The following THADA variants were observed in gnomAD, a reference collection of about 807,000 sequenced individuals.
The protein encoded by THADA is THADA armadillo repeat containing, also known as tRNA (32-2'-O)-methyltransferase regulator THADA.
THADA carries 213 observed loss-of-function variants against 219.8 expected under a neutral mutation model. That is an observed-to-expected ratio of 0.97 (90% CI 0.87 to 1.09). The LOEUF (loss-of-function observed/expected upper bound fraction) is 1.09, where lower values mean the gene tolerates loss of function less well. THADA is among the 50% of genes least tolerant of loss of function. The pLI is 0.00. For synonymous variants in THADA, 1,018 were observed against 828.9 expected (o/e 1.23, Z -3.92); for missense variants, 2,956 against 2,311.3 (o/e 1.28, Z -5.72).
intron 36 of THADA, among the ~76,000 whole-genome samples, chr2:43,252,309 C>A (rs540069131): frequency 2.0e-5 from 3 of 152,232 alleles, no homozygotes; most frequent in African/African-American, 7.2e-5. Context: ...ACTGTTTCAA[C>A]TCAAGATCTC....
At chr2:43,498,756 C>G (rs1435451806) in intron 25 of THADA, 77 bp downstream of exon 25, 3 of 1,392,632 alleles carry the variant, frequency 2.2e-6, no homozygotes, top group Admixed American at 5.3e-5. Flanking sequence ...TTTTTATCAC[C>G]CAGTGAAAGA....
chr2:43,551,589 A>AT (rs34513683), intron 19 of THADA, among the ~76,000 whole-genome samples, 200 bp downstream of exon 19: 8,365 of 135,094 alleles, frequency 0.062, 601 homozygotes, highest in African/African-American at 0.16. Context: ...TGGTTTGGGA[A>AT]TTTTTTTTTT....
intron 15 of THADA, chr2:43,562,757 C>A (rs1698220718): frequency 1.3e-5 from 2 of 152,180 alleles, no homozygotes; most frequent in African/African-American, 4.8e-5. Context: ...GATTCAATCT[C>A]TTATAGGTCT....
intron 26 of THADA, among the ~76,000 whole-genome samples, chr2:43,458,519 A>G (rs1025046717): frequency 3.3e-5 from 5 of 152,166 alleles, no homozygotes; most frequent in African/African-American, 9.7e-5. Context: ...GAGATAAGAG[A>G]TCTGCAAGTA....
chr2:43,501,134 T>C (rs1321565251), intron 24 of THADA, among the ~76,000 whole-genome samples: 5 of 151,208 alleles, frequency 3.3e-5, no homozygotes, highest in African/African-American at 1.2e-4. Flanking sequence ...GGTGAAATCC[T>C]GTCTCTACTA....
chr2:43,372,348 C>T (rs1213400333), intron 29 of THADA: 1 of 152,172 alleles, frequency 6.6e-6, no homozygotes, highest in African/African-American at 2.4e-5. Context: ...TAATAATAAA[C>T]ATCACGGAGG....
intron 30 of THADA, among the ~76,000 whole-genome samples, chr2:43,322,674 C>CTTTTT (rs34557514): frequency 0.011 from 594 of 54,858 alleles, 111 homozygotes; most frequent in East Asian, 0.014. Context: ...ACATTCTATT[C>CTTTTT]TTTTTTTTTT....
chr2:43,250,034 A>G (rs1669654414), intron 36 of THADA, among the ~76,000 whole-genome samples: 1 of 152,194 alleles, frequency 6.6e-6, no homozygotes, highest in African/African-American at 2.4e-5. Context: ...CATGTGACCC[A>G]CAATTCCACT....
chr2:43,552,211 A>T lies in THADA; in HGVS notation c.2803T>A (p.Ser935Thr). Residue 935 changes from serine to threonine, a missense_variant, in exon 18 of 38, where the codon TCT (serine) becomes ACT (threonine). Ser to Thr is a moderately conservative substitution (Grantham distance 58). Coordinates refer to ENST00000405975, the MANE Select transcript of THADA (RefSeq NM_022065.5). ...HCITGALQKL[S>T]LNSLQLVSEW... ...AGCTGTGGAAATCCTTACTTTAGAG[A>T]TAACTTCTGCAAAGCTCCTGTTATA... 6.2e-7 allele frequency: 1 copy of T among 1,607,432 alleles called. No individual in the cohort carries two copies. The highest frequency in any genetic ancestry group is 8.5e-7 in the Non-Finnish European group (1 of 1,177,912).
chr2:43,309,334 C>G (rs1573008886), intron 31 of THADA, among the ~76,000 whole-genome samples: 1 of 152,106 alleles, frequency 6.6e-6, no homozygotes, highest in East Asian at 1.9e-4. Flanking sequence ...AACCCCTTTC[C>G]TAGGTTTTTA....
At chr2:43,509,670 G>A (rs1438015643) in intron 22 of THADA, among the ~76,000 whole-genome samples, 1 of 152,024 alleles carries the variant, frequency 6.6e-6, no homozygotes, top group Non-Finnish European at 1.5e-5. Context: ...CTAGTTTGGT[G>A]TAAAACAGAT....
At position 43,409,944 on chromosome 2, in the gene THADA, G is replaced by A. The variant is rs111956941; in HGVS notation, c.4059-11805C>T. Among the ~76,000 whole-genome samples, 837 of 152,004 alleles carry A rather than the reference G, an allele frequency of 5.5e-3. 5 individuals are homozygous for A. Among genetic ancestry groups the A allele is most frequent in the Admixed American group, 8.2e-3 (125 of 15,246 alleles). ...AGGTAGGAGGATTGCTTGAGCCTAG[G>A]AGGTTGAGGCTACAGTGAGCTGTGA... On this transcript the variant is annotated intron_variant, in intron 28 of 37. Transcript: ENST00000405975.
intron 17 of THADA, among the ~76,000 whole-genome samples, chr2:43,555,729 C>T (rs10165527): frequency 0.39 from 59,467 of 151,854 alleles, 13,327 homozygotes; most frequent in African/African-American, 0.62. Flanking sequence ...TTCTACCATC[C>T]TGGAAATAAT....
intron 35 of THADA, among the ~76,000 whole-genome samples, chr2:43,284,228 G>C (rs1673713760): frequency 6.6e-6 from 1 of 152,178 alleles, no homozygotes; most frequent in East Asian, 1.9e-4. Context: ...TGGGGAAAAT[G>C]TCTCCAGGGC....
Position 43,232,880 on chromosome 2 carries a change from ACT to A in THADA, c.5297_5298del (p.Glu1766ValfsTer21), listed in dbSNP as rs758288763. The A allele has an allele frequency of 2.2e-5, 36 of 1,608,084 alleles. No individual in the cohort carries two copies. Among genetic ancestry groups the A allele is most frequent in the African/African-American group, 5.3e-5 (4 of 74,812 alleles). ...MSQENTCQSTEFAFCQVDASI... is the reference protein window; with the variant it reads ...MSQENTCQSTXFAFCQVDASI... ...GAGGCATCCACCTGGCAGAAGGCAAACTCTGCAAAGACAGGAGAAAGGTGAGC... is the reference window on the plus strand; with the variant it reads ...GAGGCATCCACCTGGCAGAAGGCAAACTGCAAAGACAGGAGAAAGGTGAGC... On this transcript the variant is annotated frameshift_variant and splice_region_variant, in exon 37 of 38. Transcript: ENST00000405975. LOFTEE classifies it high-confidence loss of function.
intron 29 of THADA, among the ~76,000 whole-genome samples, chr2:43,384,505 T>C (rs1411406997): frequency 6.6e-6 from 1 of 152,224 alleles, no homozygotes; most frequent in African/African-American, 2.4e-5. Context: ...TTCTAGCATG[T>C]TCTTCCTAAA....
At position 43,572,576 on chromosome 2, in the gene THADA, T is replaced by C. The variant is rs534780190; in HGVS notation, c.1908+238A>G. ...ACATGATGGCATGCTTGTATCTGTA[T>C]TGTCAGTTCTAAGAGTTTCCAGTTG... On this transcript the variant is annotated intron_variant, in intron 12 of 37. Transcript: ENST00000405975. Among the ~76,000 whole-genome samples, 7 of 152,300 alleles carry C rather than the reference T, an allele frequency of 4.6e-5. No individual in the cohort carries two copies. In the East Asian group the frequency reaches 9.6e-4, roughly 21 times the overall value.
At chr2:43,585,255 A>C (rs1435764191) in intron 7 of THADA, among the ~76,000 whole-genome samples, 2 of 151,720 alleles carry the variant, frequency 1.3e-5, no homozygotes, top group Admixed American at 1.3e-4. Flanking sequence ...TCACACCTAT[A>C]ATCCTAGCAC....
intron 19 of THADA, among the ~76,000 whole-genome samples, chr2:43,549,778 A>G (rs995745751): frequency 2.0e-5 from 3 of 152,044 alleles, no homozygotes; most frequent in Non-Finnish European, 2.9e-5. Flanking sequence ...AGAAAAGTAG[A>G]AAAAAATCAA....
Sources: allele counts gnomAD v4.1 joint callset (sites outside exome capture counted in the v4.1 genomes callset), GRCh38; gene constraint gnomAD v4.1.1; transcripts MANE v1.5; gene names NCBI Gene and HGNC (gene_info 2026-07-23, HGNC 2026-07-21).